The following GLB1 variants were observed in gnomAD, a reference collection of about 807,000 sequenced individuals.
GLB1 encodes the protein beta-galactosidase.
A neutral mutation model predicts 74.0 loss-of-function variants in GLB1; 56 were observed. That is an observed-to-expected ratio of 0.76 (90% confidence interval 0.61 to 0.94). GLB1 has a LOEUF of 0.94. GLB1 is among the 40% of genes least tolerant of loss of function. GLB1 has a pLI of 0.00. For synonymous variants in GLB1, 323 were observed against 323.6 expected (o/e 1.00, Z 0.02); for missense variants, 787 against 845.5 (o/e 0.93, Z 0.86).
chr3:32,982,314 C>CAA, the GLB1 span, among the ~76,000 whole-genome samples: 27 of 75,872 alleles, frequency 3.6e-4, no homozygotes, highest in East Asian at 1.0e-3. Context: ...ACTCCGTCTC[C>CAA]AAAAAAAAAA....
rs1700845554 is a variant in GLB1 at position 33,093,222 on chromosome 3, T to C, written c.75+3789A>G. 6.2e-7 allele frequency: 1 copy of C among 1,613,934 alleles called. No homozygotes were observed. The highest frequency in any genetic ancestry group is 1.3e-5 in the African/African-American group (1 of 74,878). On this transcript the variant is annotated intron_variant, in intron 1 of 15. Coordinates refer to ENST00000307363, the MANE Select transcript of GLB1 (RefSeq NM_000404.4). The surrounding 1 kb of genome is among the most constrained non-coding windows in gnomAD (Gnocchi z 6.0). ...CCCAGCCAAGCAGATCCAGTCCTCA[T>C]CCTCACTCCCACTGCCACTGCCACC...
chr3:33,076,747 T>C (rs906603045), intron 1 of GLB1, among the ~76,000 whole-genome samples: 2 of 152,208 alleles, frequency 1.3e-5, no homozygotes, highest in African/African-American at 2.4e-5. Context: ...TTCATCGTAA[T>C]TTACAGGGAG....
chr3:33,071,889 C>T (rs970094314), intron 2 of GLB1, among the ~76,000 whole-genome samples: 7 of 152,160 alleles, frequency 4.6e-5, no homozygotes, highest in African/African-American at 1.7e-4. Context: ...AGGAATGCCA[C>T]CCAGAAAGGC....
rs531889685 is a variant in GLB1 at position 33,085,297 on chromosome 3, A to C, written c.75+11714T>G. 6.3e-4 allele frequency among the ~76,000 whole-genome samples: 93 copies of C among 147,486 alleles called. No homozygotes were observed. In the East Asian group the frequency reaches 0.011, roughly 18 times the overall value. On this transcript the variant is annotated intron_variant, in intron 1 of 15. Coordinates refer to ENST00000307363, the MANE Select transcript of GLB1 (RefSeq NM_000404.4). The stretch of plus-strand genomic sequence containing the variant: ...TTCAAAAAAAAAAAAAAAAAAAGCG[A>C]GAGAGAGAGAAACAAACATAAAATC...
At chr3:32,968,031 A>G in the GLB1 span, among the ~76,000 whole-genome samples, 1 of 152,204 alleles carries the variant, frequency 6.6e-6, no homozygotes, top group Non-Finnish European at 1.5e-5. Context: ...TGGCTTTTCA[A>G]TTTGGATGAA....
chr3:33,053,678 C>T lies in GLB1; in HGVS notation c.734-129G>A, dbSNP rs1223549962. 3 of 1,268,046 alleles carry T rather than the reference C, an allele frequency of 2.4e-6. No homozygotes were observed. In the East Asian group the frequency reaches 7.5e-5, roughly 32 times the overall value. 78.5% of individuals were successfully genotyped at this position (1,268,046 alleles called of 1,614,324 possible). A position where few individuals can be genotyped will look rare whatever the true frequency, so the allele number is the denominator to read the frequency against. ...AGAATGTTAGTATCCCCCCAAAATTCTCATGTTGGAACTTAACACCCAAGA... is the reference window on the plus strand; with the variant it reads ...AGAATGTTAGTATCCCCCCAAAATTTTCATGTTGGAACTTAACACCCAAGA... On this transcript the variant is annotated intron_variant, in intron 6 of 15. Transcript: ENST00000307363.
chr3:33,096,328 C>T (rs559856818), intron 1 of GLB1: 2 of 945,258 alleles, frequency 2.1e-6, no homozygotes, highest in Non-Finnish European at 1.3e-6. Flanking sequence ...TGTGCACGCC[C>T]CGCACCTCAC....
chr3:33,056,906 A>G (rs1699246172), intron 6 of GLB1, among the ~76,000 whole-genome samples: 1 of 152,198 alleles, frequency 6.6e-6, no homozygotes, highest in South Asian at 2.1e-4. Flanking sequence ...AAAGATTGCA[A>G]TTTCTCAATA....
the GLB1 span, among the ~76,000 whole-genome samples, chr3:32,975,923 G>C: frequency 6.6e-6 from 1 of 152,242 alleles, no homozygotes; most frequent in Admixed American, 6.5e-5. Context: ...TGTTAGGAGA[G>C]AGAAACATGG....
At chr3:32,990,891 G>A in the GLB1 span, among the ~76,000 whole-genome samples, 2 of 152,042 alleles carry the variant, frequency 1.3e-5, no homozygotes, top group Non-Finnish European at 1.5e-5. Flanking sequence ...GGAGAATGGC[G>A]TGAACCCGGG....
At chr3:33,016,594 C>A (rs1228634649) in intron 14 of GLB1, 115 bp downstream of exon 14, 1 of 1,566,648 alleles carries the variant, frequency 6.4e-7, no homozygotes, top group East Asian at 2.4e-5. Context: ...TCAAGTGATC[C>A]TCCTGCCTTG....
At chr3:32,990,843 G>T in the GLB1 span, among the ~76,000 whole-genome samples, 1 of 152,144 alleles carries the variant, frequency 6.6e-6, no homozygotes, top group African/African-American at 2.4e-5. Flanking sequence ...GCGTGGTGGC[G>T]GGTGCCTGTA....
In GLB1 at chr3:33,074,121, C is replaced by T. The variant is rs376007908; in HGVS notation, c.76-1408G>A. On this transcript the variant is annotated intron_variant, in intron 1 of 15. Coordinates refer to ENST00000307363, the MANE Select transcript of GLB1 (RefSeq NM_000404.4). ...TTGGGAGGCTGAGGCAGGTGGATCA[C>T]GAGGTCAGGAGATCGAAAGCATCCT... 4.7e-5 allele frequency among the ~76,000 whole-genome samples: 7 copies of T among 150,388 alleles called. No individual in the cohort carries two copies. In the East Asian group the frequency reaches 7.8e-4, roughly 17 times the overall value.
At chr3:33,070,300 T>C (rs1351453110) in intron 2 of GLB1, among the ~76,000 whole-genome samples, 2 of 152,234 alleles carry the variant, frequency 1.3e-5, no homozygotes. Context: ...TGAGGTGCTC[T>C]GTGGAAGGGG....
chr3:33,088,075 A>AC, intron 1 of GLB1, among the ~76,000 whole-genome samples: 1 of 152,286 alleles, frequency 6.6e-6, no homozygotes, highest in Non-Finnish European at 1.5e-5. Flanking sequence ...GATTAAAAAA[A>AC]CCAACAACTC....
At chr3:33,062,365 A>G (rs1699477047) in intron 5 of GLB1, among the ~76,000 whole-genome samples, 2 of 152,048 alleles carry the variant, frequency 1.3e-5, no homozygotes, top group Non-Finnish European at 2.9e-5. Flanking sequence ...ATGGAGTTTC[A>G]CTATGTTGCC....
intron 12 of GLB1, among the ~76,000 whole-genome samples, chr3:33,020,699 C>T (rs907749083): frequency 2.6e-5 from 4 of 152,040 alleles, no homozygotes; most frequent in Admixed American, 6.6e-5. Context: ...CTGTAAAGGA[C>T]GTTATTGCAA....
chr3:33,093,455 G>A lies in GLB1; in HGVS notation c.75+3556C>T, dbSNP rs1409270772. ...GCAGGACCGAGGCTTCTGAGTCGGAGAGGTCACCCACAATCACCGTGATGT... is the reference window on the plus strand; with the variant it reads ...GCAGGACCGAGGCTTCTGAGTCGGAAAGGTCACCCACAATCACCGTGATGT... On this transcript the variant is annotated intron_variant, in intron 1 of 15. Coordinates refer to ENST00000307363, the MANE Select transcript of GLB1 (RefSeq NM_000404.4). The surrounding 1 kb of genome is among the most constrained non-coding windows in gnomAD (Gnocchi z 6.0). 6.2e-7 allele frequency: 1 copy of A among 1,614,132 alleles called. No homozygotes were observed. Among genetic ancestry groups the A allele is most frequent in the South Asian group, 1.1e-5 (1 of 91,072 alleles).
At chr3:33,091,988 G>C in intron 1 of GLB1, 1 of 983,478 alleles carries the variant, frequency 1.0e-6, no homozygotes, top group Middle Eastern at 5.2e-4. Flanking sequence ...CATACTGCCT[G>C]TGCCCTATCT....
Sources: allele counts gnomAD v4.1 joint callset (sites outside exome capture counted in the v4.1 genomes callset), GRCh38; gene constraint gnomAD v4.1.1; non-coding constraint Gnocchi (gnomAD v3.1); transcripts MANE v1.5; gene names NCBI Gene and HGNC (gene_info 2026-07-23, HGNC 2026-07-21).